EIF4B: variants seen among roughly 807,000 people sequenced by gnomAD.
EIF4B encodes eukaryotic translation initiation factor 4B.
Under a neutral mutation model 79.3 loss-of-function variants are expected in EIF4B, and 8 were observed. That is an observed-to-expected ratio of 0.10 (90% CI 0.06 to 0.18). The LOEUF is 0.18. EIF4B is among the 10% of genes least tolerant of loss of function. The pLI is 1.00. For missense variants in EIF4B, 515 were observed against 792.4 expected (o/e 0.65, Z 4.20); for synonymous variants, 238 against 274.7 (o/e 0.87, Z 1.32).
chr12:53,033,721 T>C (rs1019404645), intron 8 of EIF4B, 85 bp from the exon 9 acceptor site: 6 of 1,382,180 alleles, frequency 4.3e-6, no homozygotes, highest in Non-Finnish European at 4.9e-6. Context: ...TAGCATTTCA[T>C]AGGAGTTATA....
intron 1 of EIF4B, among the ~76,000 whole-genome samples, chr12:53,007,419 C>CTTTTT (rs1942985833): frequency 8.5e-6 from 1 of 118,190 alleles, no homozygotes; most frequent in African/African-American, 3.8e-5. Context: ...TAGATTTCAG[C>CTTTTT]CTTTTTTTTT....
At position 53,040,385 on chromosome 12, in the gene EIF4B, C is replaced by T. The variant is rs1236235080; in HGVS notation, c.*162C>T. On this transcript the variant is annotated 3_prime_UTR_variant, in exon 15 of 15. Coordinates refer to ENST00000262056, the MANE Select transcript of EIF4B (RefSeq NM_001417.7). Reference sequence around the variant, plus strand: ...AAAAATGAAATTATTTTGCATGCTGCTGCAGCCTTTAAAGTATTGAAGTAA... The same window carrying T: ...AAAAATGAAATTATTTTGCATGCTGTTGCAGCCTTTAAAGTATTGAAGTAA... The T allele has an allele frequency of 1.6e-5, 11 of 675,770 alleles. No homozygotes were observed. Among genetic ancestry groups the T allele is most frequent in the Non-Finnish European group, 2.2e-5 (9 of 414,696 alleles). 41.9% of individuals were successfully genotyped at this position (675,770 alleles called of 1,614,324 possible).
chr12:53,019,437 A>ATATATTTTTTTTCTTTTTTTTTTTTT, intron 3 of EIF4B, among the ~76,000 whole-genome samples: 1 of 51,026 alleles, frequency 2.0e-5, no homozygotes, highest in East Asian at 6.5e-4. Context: ...ATATATATAT[A>ATATATTTTTTTTCTTTTTTTTTTTTT]TTTTTTTTTT....
At chr12:53,033,670 G>A in intron 8 of EIF4B, 136 bp from the exon 9 acceptor site, 1 of 938,618 alleles carries the variant, frequency 1.1e-6, no homozygotes, top group Non-Finnish European at 1.6e-6. Flanking sequence ...TGATCTATTT[G>A]CCTTCTGTGG....
At chr12:53,024,719 A>G (rs1943305807) in intron 6 of EIF4B, among the ~76,000 whole-genome samples, 1 of 152,134 alleles carries the variant, frequency 6.6e-6, no homozygotes, top group African/African-American at 2.4e-5. Flanking sequence ...TGCAGTGGCA[A>G]TCTTGGCTCA....
chr12:53,039,804 T>C lies in EIF4B; in HGVS notation c.1755+102T>C, dbSNP rs115258661. 742 of 1,323,250 alleles carry C rather than the reference T, an allele frequency of 5.6e-4. 6 individuals carry two copies. The African/African-American group carries it at 9.4e-3, about 17-fold the overall frequency. 82.0% of individuals were successfully genotyped at this position (1,323,250 alleles called of 1,614,324 possible). ...AAAAATTCTTAGTATTCTAAACTTT[T>C]TGCCGTTGGACTTCTTTCCATTTGG... On this transcript the variant is annotated intron_variant, in intron 14 of 14. Transcript: ENST00000262056.
At chr12:53,039,154 TTTC>T in intron 12 of EIF4B, 81 bp from the exon 13 acceptor site, 1 of 1,044,622 alleles carries the variant, frequency 9.6e-7, no homozygotes, top group Non-Finnish European at 1.4e-6. Context: ...TGGGCACAAT[TTTC>T]TTCAGCTTAA....
At chr12:53,028,210 A>G in intron 8 of EIF4B, 22 bp downstream of exon 8, 2 of 1,547,068 alleles carry the variant, frequency 1.3e-6, no homozygotes, top group Non-Finnish European at 1.7e-6. Flanking sequence ...CTTTTTACGT[A>G]CTTCATGGAG....
In EIF4B at chr12:53,037,520, T is replaced by G. The variant is rs1943559553; in HGVS notation, c.1418T>G (p.Val473Gly). The G allele has an allele frequency of 6.2e-7, 1 of 1,613,730 alleles. No homozygotes were observed. The highest frequency in any genetic ancestry group is 1.3e-5 in the African/African-American group (1 of 74,912). ...KPPKPDQPLK[V>G]MPAPPPKENA... is the part of the protein sequence containing the mutation. ...CCCAAACCTGATCAGCCCCTAAAGG[T>G]AATGCCAGCCCCTCCACCAAAGGAG... is the stretch of plus-strand genomic sequence containing the variant. Residue 473 changes from valine to glycine, a missense_variant, in exon 11 of 15, where the codon GTA becomes GGA. Val to Gly is a moderately radical substitution (Grantham distance 109, BLOSUM62 -3). This residue lies in a region of EIF4B where 146 missense variants were observed against 228.0 expected (regional missense o/e 0.64). Coordinates refer to ENST00000262056, the MANE Select transcript of EIF4B (RefSeq NM_001417.7).
At chr12:53,036,511 A>G (rs970413655) in intron 10 of EIF4B, among the ~76,000 whole-genome samples, 8 of 151,442 alleles carry the variant, frequency 5.3e-5, no homozygotes, top group Non-Finnish European at 1.0e-4. Flanking sequence ...GCCTCAAGCA[A>G]TCCTCTTGCC....
chr12:53,033,253 A>C (rs1399998378), intron 8 of EIF4B, among the ~76,000 whole-genome samples: 1 of 151,286 alleles, frequency 6.6e-6, no homozygotes, highest in Non-Finnish European at 1.5e-5. Flanking sequence ...TCCCGACCCC[A>C]GGTGATCCAC....
chr12:53,022,917 G>A (rs943335881), intron 6 of EIF4B, among the ~76,000 whole-genome samples: 6 of 152,092 alleles, frequency 3.9e-5, no homozygotes, highest in South Asian at 2.1e-4. Context: ...TAATCCCAAC[G>A]CTTTGGGAGG....
intron 6 of EIF4B, among the ~76,000 whole-genome samples, chr12:53,024,868 C>G (rs1391975773): frequency 6.6e-6 from 1 of 152,078 alleles, no homozygotes; most frequent in Admixed American, 6.6e-5. Flanking sequence ...CGTTGGCCAG[C>G]TGGTCTCTAA....
At chr12:53,021,936 G>GA in intron 5 of EIF4B, 76 bp downstream of exon 5, 1 of 1,572,348 alleles carries the variant, frequency 6.4e-7, no homozygotes, top group African/African-American at 1.4e-5. Flanking sequence ...CAGAAAATTT[G>GA]AATAGGGGTA....
At chr12:53,019,863 TGAAGAA>T (rs1565586468) in intron 3 of EIF4B, 41 bp from the exon 4 acceptor site, 1 of 1,573,076 alleles carries the variant, frequency 6.4e-7, no homozygotes, top group East Asian at 2.3e-5. Flanking sequence ...AAATGACAAA[TGAAGAA>T]GAATGCTGGG....
intron 2 of EIF4B, among the ~76,000 whole-genome samples, chr12:53,017,143 C>T (rs1433029997): frequency 6.6e-6 from 1 of 151,942 alleles, no homozygotes; most frequent in East Asian, 1.9e-4. Context: ...ATTTCAGCTA[C>T]TCGGGAGGCT....
In EIF4B at chr12:53,014,640, C is replaced by T. The variant is rs866252536; in HGVS notation, c.14-1833C>T. Reference sequence around the variant, plus strand: ...GCTATGTGTTAACATTCATAGCAAACTGGTTACCTTTATTTCCTGAAAGTT... The same window carrying T: ...GCTATGTGTTAACATTCATAGCAAATTGGTTACCTTTATTTCCTGAAAGTT... On this transcript the variant is annotated intron_variant, in intron 1 of 14. Coordinates refer to ENST00000262056, the MANE Select transcript of EIF4B (RefSeq NM_001417.7). 4 of 152,162 alleles carry T rather than the reference C, an allele frequency of 2.6e-5. No individual in the cohort carries two copies. The South Asian group carries it at 6.2e-4, about 24-fold the overall frequency. The allele number at this position is 152,162 out of a possible 1,614,324, so 9.4% of individuals were successfully genotyped here.
chr12:53,019,338 G>T (rs1179644158), intron 3 of EIF4B, among the ~76,000 whole-genome samples: 8 of 151,692 alleles, frequency 5.3e-5, no homozygotes, highest in Admixed American at 3.9e-4. Context: ...GACGGAGGTT[G>T]TGGTGAGCCG....
intron 8 of EIF4B, among the ~76,000 whole-genome samples, chr12:53,031,635 C>A (rs1943448479): frequency 6.6e-6 from 1 of 152,144 alleles, no homozygotes; most frequent in South Asian, 2.1e-4. Context: ...TTTTATCTTA[C>A]AAAAGTGACG....
Sources: gnomAD v4.1 joint callset for allele counts (sites outside exome capture counted in the v4.1 genomes callset) on GRCh38, gnomAD v4.1.1 for gene constraint, gnomAD v4.1.1 regional missense constraint, MANE v1.5 for transcripts, NCBI Gene and HGNC (gene_info 2026-07-23, HGNC 2026-07-21) for gene names.